Variants in PRKAR2A observed in about 807,000 individuals in gnomAD.
The protein encoded by PRKAR2A is protein kinase cAMP-dependent type II regulatory subunit alpha, also known as cAMP-dependent protein kinase type II-alpha regulatory subunit.
In PRKAR2A, 29 loss-of-function variants were observed where a neutral mutation model predicts 51.9. The observed-to-expected ratio is 0.56, with a 90% confidence interval of 0.42 to 0.76. The LOEUF is 0.76. PRKAR2A is among the 30% of genes least tolerant of loss of function. The probability of loss-of-function intolerance (pLI) is 0.00; values close to 1 mark genes in which losing one functional copy is unlikely to be tolerated. For missense variants in PRKAR2A, 445 were observed against 512.1 expected (o/e 0.87, Z 1.26); for synonymous variants, 178 against 186.2 (o/e 0.96, Z 0.36).
chr3:48,847,617 T>C lies in PRKAR2A; in HGVS notation c.-21A>G, dbSNP rs553460391. ...CTCATGCCGGCGGCGGCCGAAGGGA[T>C]AGACGGGTTGGGCCGCCGGCGGCCA... is the stretch of plus-strand genomic sequence containing the variant. On this transcript the variant is annotated 5_prime_UTR_variant, in exon 1 of 11. Transcript: ENST00000265563. This position sits in a 1 kb window ranked among gnomAD's most constrained non-coding sequence, Gnocchi z 4.4. 5.6e-6 allele frequency: 8 copies of C among 1,438,304 alleles called. No homozygotes were observed. The highest frequency in any genetic ancestry group is 1.5e-5 in the South Asian group (1 of 67,300). The allele number at this position is 1,438,304 out of a possible 1,614,324, so 89.1% of individuals were successfully genotyped here.
chr3:48,817,602 G>C (rs1476192141), intron 1 of PRKAR2A, among the ~76,000 whole-genome samples: 1 of 151,042 alleles, frequency 6.6e-6, no homozygotes, highest in African/African-American at 2.4e-5. Context: ...AGCCAAGGTC[G>C]CACCATTGCG....
chr3:48,758,772 A>G (rs1031253394), intron 8 of PRKAR2A, among the ~76,000 whole-genome samples: 1 of 152,056 alleles, frequency 6.6e-6, no homozygotes. Context: ...TATGTGTATC[A>G]TTTCATTTTT....
chr3:48,837,419 G>C (rs951514940), intron 1 of PRKAR2A, among the ~76,000 whole-genome samples: 6 of 152,208 alleles, frequency 3.9e-5, no homozygotes, highest in African/African-American at 1.4e-4. Context: ...ACACCCACTA[G>C]TTTGGCTATA....
At chr3:48,836,433 AAAAAAAAAAAAG>A (rs1470617944) in intron 1 of PRKAR2A, among the ~76,000 whole-genome samples, 2 of 139,380 alleles carry the variant, frequency 1.4e-5, no homozygotes, top group African/African-American at 5.4e-5. Flanking sequence ...AAAAAAAAAA[AAAAAAAAAAAAG>A]AAGAAGAAAG....
intron 9 of PRKAR2A, among the ~76,000 whole-genome samples, chr3:48,755,090 G>A (rs2081738400): frequency 2.7e-5 from 4 of 147,692 alleles, no homozygotes; most frequent in South Asian, 2.1e-4. Context: ...TCTGCCTCCC[G>A]GGTTCACGCC....
In PRKAR2A at chr3:48,793,078, A is replaced by AT. The variant is rs2082417766; in HGVS notation, c.351+918dup. ...TCTGGGGTATATCCTTCCAGACAGAATTTTCTATATATACATACATATATA... is the reference window on the plus strand; with the variant it reads ...TCTGGGGTATATCCTTCCAGACAGAATTTTTCTATATATACATACATATATA... On this transcript the variant is annotated intron_variant, in intron 3 of 10. Transcript: ENST00000265563. Among the ~76,000 whole-genome samples, 6 of 151,906 alleles carry AT rather than the reference A, an allele frequency of 3.9e-5. No individual in the cohort carries two copies. The South Asian group carries it at 1.2e-3, about 31-fold the overall frequency.
At chr3:48,835,056 C>T (rs2083258619) in intron 1 of PRKAR2A, among the ~76,000 whole-genome samples, 1 of 150,176 alleles carries the variant, frequency 6.7e-6, no homozygotes, top group Non-Finnish European at 1.5e-5. Context: ...ACTGCAATTT[C>T]CGCCTCCCGG....
intron 8 of PRKAR2A, among the ~76,000 whole-genome samples, chr3:48,760,074 T>C (rs1323644283): frequency 3.9e-5 from 6 of 152,192 alleles, no homozygotes; most frequent in Non-Finnish European, 5.9e-5. Context: ...AACAAAAATG[T>C]AGGCCAGGTG....
intron 1 of PRKAR2A, among the ~76,000 whole-genome samples, chr3:48,838,381 C>G (rs1298673595): frequency 1.3e-5 from 2 of 151,838 alleles, no homozygotes; most frequent in African/African-American, 2.4e-5. Flanking sequence ...CCGTGGTGGA[C>G]AGATCACCTG....
rs536136550 is a variant in PRKAR2A at position 48,748,798 on chromosome 3, A to T, written c.*2787T>A. 2 of 152,324 alleles carry T rather than the reference A, an allele frequency of 1.3e-5. No homozygotes were observed. The highest frequency in any genetic ancestry group is 4.1e-4 in the South Asian group (2 of 4,826). The allele number at this position is 152,324 out of a possible 1,614,324, so 9.4% of individuals were successfully genotyped here. A position where few individuals can be genotyped will look rare whatever the true frequency, so the allele number is the denominator to read the frequency against. On this transcript the variant is annotated 3_prime_UTR_variant, in exon 11 of 11. Coordinates refer to ENST00000265563, the MANE Select transcript of PRKAR2A (RefSeq NM_004157.4). ...ACCTGTTTTCTGAATTTACTTTCTG[A>T]TAATAAAGTAACACCATGGAAAAGA...
intron 5 of PRKAR2A, among the ~76,000 whole-genome samples, chr3:48,773,620 G>A (rs1055093351): frequency 2.6e-5 from 4 of 151,848 alleles, no homozygotes; most frequent in Admixed American, 6.6e-5. Flanking sequence ...TTACAGGTGT[G>A]AGCCACCACA....
chr3:48,833,953 C>T (rs2083236685), intron 1 of PRKAR2A, among the ~76,000 whole-genome samples: 1 of 150,444 alleles, frequency 6.6e-6, no homozygotes, highest in South Asian at 2.1e-4. Flanking sequence ...AGCAGAATCG[C>T]TTGAACCCGG....
intron 3 of PRKAR2A, among the ~76,000 whole-genome samples, chr3:48,792,752 C>T (rs566911150): frequency 1.3e-5 from 2 of 152,250 alleles, no homozygotes; most frequent in South Asian, 2.1e-4. Context: ...TGAGTTACCA[C>T]ACCCAACCTA....
intron 1 of PRKAR2A, among the ~76,000 whole-genome samples, chr3:48,841,172 T>C (rs1237855501): frequency 6.6e-6 from 1 of 151,454 alleles, no homozygotes; most frequent in Non-Finnish European, 1.5e-5. Flanking sequence ...GCACGTGCCA[T>C]GTTTTCACCT....
intron 5 of PRKAR2A, among the ~76,000 whole-genome samples, chr3:48,773,960 G>A (rs1208217086): frequency 5.9e-5 from 1 of 16,944 alleles, no homozygotes; most frequent in Non-Finnish European, 1.2e-4. Context: ...CCTCAGCCCC[G>A]AGTAGCTGTG....
At chr3:48,832,379 C>A (rs1575948207) in intron 1 of PRKAR2A, among the ~76,000 whole-genome samples, 1 of 151,346 alleles carries the variant, frequency 6.6e-6, no homozygotes, top group African/African-American at 2.4e-5. Flanking sequence ...AAAACTCAAG[C>A]CATTTATTTT....
intron 1 of PRKAR2A, among the ~76,000 whole-genome samples, chr3:48,817,377 C>G (rs573244295): frequency 6.6e-6 from 1 of 151,178 alleles, no homozygotes; most frequent in African/African-American, 2.4e-5. Flanking sequence ...ATAGGCCAGA[C>G]GTGGTGGCTC....
intron 8 of PRKAR2A, among the ~76,000 whole-genome samples, chr3:48,764,499 G>A (rs905436701): frequency 1.3e-5 from 2 of 152,140 alleles, no homozygotes; most frequent in Non-Finnish European, 2.9e-5. Flanking sequence ...AAGGTGAGAG[G>A]AAGCAAGAGA....
downstream of PRKAR2A, among the ~76,000 whole-genome samples, chr3:48,746,001 T>C (rs1273542441): frequency 6.6e-6 from 1 of 152,194 alleles, no homozygotes; most frequent in Non-Finnish European, 1.5e-5. Flanking sequence ...GTTGTCTTTT[T>C]TCCTGCTTTT....
Sources: gnomAD v4.1 joint callset for allele counts (sites outside exome capture counted in the v4.1 genomes callset) on GRCh38, gnomAD v4.1.1 for gene constraint, Gnocchi (gnomAD v3.1) non-coding constraint, MANE v1.5 for transcripts, NCBI Gene and HGNC (gene_info 2026-07-23, HGNC 2026-07-21) for gene names.